The following SYT17 variants were observed in gnomAD, a reference collection of about 807,000 sequenced individuals.
The protein encoded by SYT17 is synaptotagmin 17.
Under a neutral mutation model 46.7 loss-of-function variants are expected in SYT17, and 22 were observed. The ratio of observed to expected loss-of-function variants is 0.47; its 90% CI spans 0.34 to 0.67. SYT17 has a LOEUF of 0.67. Ranked by LOEUF, SYT17 falls within the 30% of genes least tolerant of loss-of-function variation. The pLI, the probability that SYT17 is intolerant of heterozygous loss-of-function variation, is 0.01. For missense variants in SYT17, 519 were observed against 612.8 expected, an observed-to-expected ratio of 0.85 and a Z score of 1.62; for synonymous variants, 251 against 248.4, an observed-to-expected ratio of 1.01 and a Z score of -0.10.
intron 7 of SYT17, among the ~76,000 whole-genome samples, chr16:19,247,996 G>A (rs575781561): frequency 7.2e-5 from 11 of 152,142 alleles, no homozygotes; most frequent in Non-Finnish European, 1.5e-4. Context: ...GCCCATATCC[G>A]GAATATATAA....
chr16:19,208,423 G>A (rs1048153755), intron 5 of SYT17, among the ~76,000 whole-genome samples: 1 of 152,314 alleles, frequency 6.6e-6, no homozygotes, highest in Non-Finnish European at 1.5e-5. Context: ...CATGGTGGAA[G>A]GTGAAGGGGA....
chr16:19,259,928 A>G (rs896925343), intron 7 of SYT17, among the ~76,000 whole-genome samples: 7 of 152,178 alleles, frequency 4.6e-5, no homozygotes, highest in African/African-American at 1.7e-4. Flanking sequence ...TTAGGGAGAC[A>G]TAAGACATCA....
chr16:19,190,724 A>G (rs150208881), intron 5 of SYT17, among the ~76,000 whole-genome samples: 4,427 of 151,712 alleles, frequency 0.029, 95 homozygotes, highest in South Asian at 0.095. Context: ...TTGTAGCATG[A>G]GTCAGAATTT....
intron 7 of SYT17, among the ~76,000 whole-genome samples, chr16:19,239,882 TGCACAGTCAG>T (rs1966966104): frequency 6.6e-6 from 1 of 152,236 alleles, no homozygotes; most frequent in Non-Finnish European, 1.5e-5. Context: ...TCAGCCACTG[TGCACAGTCAG>T]GCACACCAGC....
chr16:19,173,279 C>A, intron 2 of SYT17, 151 bp from the exon 3 acceptor site: 1 of 585,946 alleles, frequency 1.7e-6, no homozygotes, highest in Non-Finnish European at 3.0e-6. Context: ...GTTCTAAGTG[C>A]TGAGCAGCAG....
intron 5 of SYT17, among the ~76,000 whole-genome samples, chr16:19,194,893 C>T (rs1350861995): frequency 2.0e-5 from 3 of 152,210 alleles, no homozygotes; most frequent in African/African-American, 7.2e-5. Flanking sequence ...CCATCACGCC[C>T]AGCCAAATAA....
intron 1 of SYT17, among the ~76,000 whole-genome samples, chr16:19,169,007 G>A (rs991577495): frequency 2.0e-5 from 3 of 151,738 alleles, no homozygotes; most frequent in African/African-American, 7.3e-5. Context: ...AGGGCGGCCC[G>A]GGGCGCGCCA....
chr16:19,177,575 G>T (rs1299644495), intron 3 of SYT17, among the ~76,000 whole-genome samples: 1 of 152,216 alleles, frequency 6.6e-6, no homozygotes, highest in Non-Finnish European at 1.5e-5. Flanking sequence ...TTGCAGTGCT[G>T]TTCCTACTGC....
At chr16:19,199,669 A>G (rs1283974773) in intron 5 of SYT17, among the ~76,000 whole-genome samples, 1 of 152,154 alleles carries the variant, frequency 6.6e-6, no homozygotes, top group Non-Finnish European at 1.5e-5. Context: ...CCAGGAGTTC[A>G]AGGCTGCAGT....
intron 7 of SYT17, among the ~76,000 whole-genome samples, chr16:19,258,369 G>A (rs1968727331): frequency 6.6e-6 from 1 of 152,080 alleles, no homozygotes; most frequent in Admixed American, 6.6e-5. Context: ...GGCCAGGCAC[G>A]GTGGCTCACG....
chr16:19,207,044 TGTTA>T (rs1207173212), intron 5 of SYT17, among the ~76,000 whole-genome samples: 7 of 152,202 alleles, frequency 4.6e-5, no homozygotes. Context: ...GTTCTTGCTC[TGTTA>T]GTTCTGCACA....
At position 19,184,077 on chromosome 16, in the gene SYT17, C is replaced by T; in HGVS notation, c.881C>T (p.Ser294Phe). 1 of 1,614,242 alleles carries T rather than the reference C, an allele frequency of 6.2e-7. No homozygotes were observed. The highest frequency in any genetic ancestry group is 8.5e-7 in the Non-Finnish European group (1 of 1,180,050). Residue 294 changes from serine (S) to phenylalanine (F), a missense_variant, in exon 5 of 8, where the codon TCT (serine) becomes TTT (phenylalanine). Ser to Phe is a radical substitution (Grantham distance 155). Coordinates refer to ENST00000355377, the MANE Select transcript of SYT17 (RefSeq NM_016524.4). Reference protein sequence around the residue: ...FSRHCVIGKVSVPLCEVDLVK... With the variant: ...FSRHCVIGKVFVPLCEVDLVK... Reference sequence around the variant, plus strand: ...CGCCACTGTGTCATTGGGAAAGTTTCTGTGCCTTTGTGTGAAGTTGACCTG... The same window carrying T: ...CGCCACTGTGTCATTGGGAAAGTTTTTGTGCCTTTGTGTGAAGTTGACCTG...
At chr16:19,225,691 T>C (rs930436212) in intron 7 of SYT17, among the ~76,000 whole-genome samples, 13 of 152,246 alleles carry the variant, frequency 8.5e-5, no homozygotes, top group African/African-American at 2.9e-4. Flanking sequence ...TTTAGTTCCC[T>C]GCAGGCTGTT....
In SYT17 at chr16:19,173,415, C is replaced by A; in HGVS notation, c.34-15C>A. On this transcript the variant is annotated splice_polypyrimidine_tract_variant and intron_variant, in intron 2 of 7. Coordinates refer to ENST00000355377, the MANE Select transcript of SYT17 (RefSeq NM_016524.4). ...TCTCCCCCATCCCCCCGCCCACCTC[C>A]CCCAATGGCCTCAGGGTTTTCTTTC... 1 of 1,517,144 alleles carries A rather than the reference C, an allele frequency of 6.6e-7. No individual in the cohort carries two copies. The highest frequency in any genetic ancestry group is 8.9e-7 in the Non-Finnish European group (1 of 1,119,138). 94.0% of individuals were successfully genotyped at this position (1,517,144 alleles called of 1,614,324 possible).
At chr16:19,179,853 T>C (rs915660137) in intron 3 of SYT17, among the ~76,000 whole-genome samples, 1 of 152,230 alleles carries the variant, frequency 6.6e-6, no homozygotes, top group African/African-American at 2.4e-5. Flanking sequence ...TTTCTTTACA[T>C]CAAACTTCTG....
intron 5 of SYT17, among the ~76,000 whole-genome samples, chr16:19,188,134 C>T (rs1964857206): frequency 6.6e-6 from 1 of 152,110 alleles, no homozygotes; most frequent in South Asian, 2.1e-4. Flanking sequence ...TACATATATA[C>T]CATGGAATAC....
At chr16:19,224,335 A>T (rs1256311787) in intron 6 of SYT17, among the ~76,000 whole-genome samples, 2 of 152,200 alleles carry the variant, frequency 1.3e-5, no homozygotes, top group Non-Finnish European at 2.9e-5. Context: ...TAGATGGCTA[A>T]AGGAAGAAGG....
chr16:19,173,442 A>G lies in SYT17; in HGVS notation c.46A>G (p.Arg16Gly), dbSNP rs1964185768. Residue 16 changes from arginine to glycine, a missense_variant, in exon 3 of 8, where the codon AGA becomes GGA. Arg to Gly is a moderately radical substitution (Grantham distance 125, BLOSUM62 -2). Transcript: ENST00000355377. Reference sequence around the variant, plus strand: ...CCAATGGCCTCAGGGTTTTCTTTCTAGAATCTCTGGTCTGCTGCTGTGCAG... The same window carrying G: ...CCAATGGCCTCAGGGTTTTCTTTCTGGAATCTCTGGTCTGCTGCTGTGCAG... The part of the protein sequence containing the change: ...LEPLNEGFLS[R>G]ISGLLLCRWT... 1.5e-6 allele frequency: 2 copies of G among 1,373,804 alleles called. No homozygotes were observed. The highest frequency in any genetic ancestry group is 1.7e-5 in the African/African-American group (1 of 57,994). The allele number at this position is 1,373,804 out of a possible 1,614,324, so 85.1% of individuals were successfully genotyped here. A position where few individuals can be genotyped will look rare whatever the true frequency, so the allele number is the denominator to read the frequency against.
At chr16:19,232,341 G>A (rs536679185) in intron 7 of SYT17, among the ~76,000 whole-genome samples, 69 of 152,214 alleles carry the variant, frequency 4.5e-4, no homozygotes, top group South Asian at 1.2e-3. Context: ...ATGCATCTGC[G>A]TCGCCCAGGG....
Sources: gnomAD v4.1 joint callset for allele counts (sites outside exome capture counted in the v4.1 genomes callset) on GRCh38, gnomAD v4.1.1 for gene constraint, MANE v1.5 for transcripts, NCBI Gene and HGNC (gene_info 2026-07-23, HGNC 2026-07-21) for gene names.